PTPRG: variants seen among roughly 807,000 people sequenced by gnomAD.
PTPRG encodes protein tyrosine phosphatase receptor type G.
In PTPRG, 102 loss-of-function variants were observed where a neutral mutation model predicts 165.3. The observed-to-expected ratio is 0.62, with a 90% CI of 0.53 to 0.73. The LOEUF (loss-of-function observed/expected upper bound fraction) is 0.73. PTPRG is among the 30% of genes least tolerant of loss of function. PTPRG has a pLI of 0.00. For missense variants in PTPRG, 1,866 were observed against 1,861.4 expected (o/e 1.00, Z -0.05); for synonymous variants, 675 against 669.5 (o/e 1.01, Z -0.13).
intron 2 of PTPRG, among the ~76,000 whole-genome samples, chr3:61,809,716 A>C (rs1387437265): frequency 6.6e-6 from 1 of 152,188 alleles, no homozygotes; most frequent in Admixed American, 6.5e-5. Context: ...ATGAAGGGGA[A>C]TAGAAAGACA....
intron 4 of PTPRG, among the ~76,000 whole-genome samples, chr3:62,069,684 T>TCTCTCTCTCTCTCTCACATACA: frequency 6.9e-6 from 1 of 145,070 alleles, no homozygotes; most frequent in South Asian, 2.3e-4. Context: ...TCTCTCTCTC[T>TCTCTCTCTCTCTCTCACATACA]CACACACAGA....
chr3:61,808,670 G>T (rs2035484966), intron 2 of PTPRG, among the ~76,000 whole-genome samples: 2 of 151,984 alleles, frequency 1.3e-5, no homozygotes, highest in Admixed American at 6.6e-5. Context: ...TGGCACATAC[G>T]TTGCACTGGG....
chr3:62,048,858 T>G (rs555905255), intron 4 of PTPRG, among the ~76,000 whole-genome samples: 1 of 152,350 alleles, frequency 6.6e-6, no homozygotes, highest in African/African-American at 2.4e-5. Flanking sequence ...ATATGTATAA[T>G]TCAAAAATTG....
intron 2 of PTPRG, among the ~76,000 whole-genome samples, chr3:61,754,522 C>T (rs930567976): frequency 1.3e-5 from 2 of 152,162 alleles, no homozygotes; most frequent in Non-Finnish European, 2.9e-5. Flanking sequence ...TTCCTTGTTT[C>T]TCCTGCAGCG....
chr3:62,014,546 T>TAA lies in PTPRG; in HGVS notation c.519+11052_519+11053dup, dbSNP rs552039284. 3.3e-3 allele frequency among the ~76,000 whole-genome samples: 502 copies of TAA among 152,318 alleles called. 3 individuals are homozygous for TAA. The highest frequency in any genetic ancestry group is 0.011 in the African/African-American group (458 of 41,580). ...AGCTTCAACTCCTGAATCTCCCTATTAAAACCTTCACTCTGTTCATTTCTA... is the reference window on the plus strand; with the variant it reads ...AGCTTCAACTCCTGAATCTCCCTATTAAAAAACCTTCACTCTGTTCATTTCTA... On this transcript the variant is annotated intron_variant, in intron 4 of 29. Coordinates refer to ENST00000474889, the MANE Select transcript of PTPRG (RefSeq NM_002841.4).
Position 62,219,962 on chromosome 3 carries a change from C to G in PTPRG, c.2288+979C>G, listed in dbSNP as rs1700609976. ...AGCTTAAATCTGGAAAGGGGAGGGG[C>G]CCATGGGGGCCTAGCAGGAGTGTTC... On this transcript the variant is annotated intron_variant, in intron 13 of 29. Coordinates refer to ENST00000474889, the MANE Select transcript of PTPRG (RefSeq NM_002841.4). This position sits in a 1 kb window ranked among gnomAD's most constrained non-coding sequence, Gnocchi z 4.5. 6.6e-6 allele frequency among the ~76,000 whole-genome samples: 1 copy of G among 152,190 alleles called. No homozygotes were observed. The highest frequency in any genetic ancestry group is 2.4e-5 in the African/African-American group (1 of 41,444).
rs560935239 is a variant in PTPRG at position 62,081,081 on chromosome 3, C to T, written c.615+2823C>T. Among the ~76,000 whole-genome samples, 12 of 151,936 alleles carry T rather than the reference C, an allele frequency of 7.9e-5. No homozygotes were observed. In the East Asian group the frequency reaches 1.8e-3, roughly 22 times the overall value. ...GACCATCCTGGCTAACACGGTGAAA[C>T]CCCATCTCTACTAAAAATACAAAAA... On this transcript the variant is annotated intron_variant, in intron 5 of 29. Coordinates refer to ENST00000474889, the MANE Select transcript of PTPRG (RefSeq NM_002841.4).
At chr3:62,215,495 T>C (rs1387123568) in intron 12 of PTPRG, among the ~76,000 whole-genome samples, 1 of 150,722 alleles carries the variant, frequency 6.6e-6, no homozygotes, top group African/African-American at 2.5e-5. Context: ...AAATTACCAT[T>C]TGGAGACTGT....
At chr3:62,108,499 A>C (rs1445669276) in intron 5 of PTPRG, among the ~76,000 whole-genome samples, 1 of 152,208 alleles carries the variant, frequency 6.6e-6, no homozygotes, top group African/African-American at 2.4e-5. Context: ...GTGCCTCAGT[A>C]AACATATGTG....
intron 5 of PTPRG, among the ~76,000 whole-genome samples, chr3:62,089,132 G>GTTTT (rs1469359607): frequency 6.6e-6 from 1 of 152,144 alleles, no homozygotes. Context: ...CAGAACTTTT[G>GTTTT]TTCTTTGTCT....
chr3:62,058,054 C>T (rs1418766933), intron 4 of PTPRG, among the ~76,000 whole-genome samples: 1 of 152,178 alleles, frequency 6.6e-6, no homozygotes, highest in Non-Finnish European at 1.5e-5. Context: ...AAAACTATAA[C>T]CCCTACCAGA....
intron 2 of PTPRG, among the ~76,000 whole-genome samples, chr3:61,944,007 G>A (rs2039694157): frequency 6.6e-6 from 1 of 152,050 alleles, no homozygotes; most frequent in Admixed American, 6.5e-5. Context: ...TATTGAGCAG[G>A]TGCTATATGC....
chr3:61,610,782 CCT>C, intron 1 of PTPRG, among the ~76,000 whole-genome samples: 1 of 141,664 alleles, frequency 7.1e-6, no homozygotes, highest in Non-Finnish European at 1.5e-5. Flanking sequence ...TACCTCCCTC[CCT>C]CTCTCTCTCC....
At chr3:62,092,655 C>T (rs980967080) in intron 5 of PTPRG, among the ~76,000 whole-genome samples, 1 of 152,098 alleles carries the variant, frequency 6.6e-6, no homozygotes, top group Non-Finnish European at 1.5e-5. Flanking sequence ...CTTTCTGTGC[C>T]TCAGTTTCCT....
chr3:62,277,613 T>A lies in PTPRG; in HGVS notation c.3699T>A (p.Asp1233Glu). 6.2e-7 allele frequency: 1 copy of A among 1,612,828 alleles called. No homozygotes were observed. The highest frequency in any genetic ancestry group is 8.5e-7 in the Non-Finnish European group (1 of 1,179,330). Residue 1233 changes from aspartate to glutamate, a missense_variant, in exon 26 of 30, where the codon GAT becomes GAA. This residue lies in a region of PTPRG where 1,452 missense variants were observed against 1,463.0 expected (regional missense o/e 0.99). Coordinates refer to ENST00000474889, the MANE Select transcript of PTPRG (RefSeq NM_002841.4). Reference protein sequence around the residue: ...TQHPLPHTTKDFWRMIWDHNA... With the variant: ...TQHPLPHTTKEFWRMIWDHNA... ...ATCCTCTGCCACATACTACGAAAGA[T>A]TTCTGGCGAATGATTTGGGATCATA... is the stretch of plus-strand genomic sequence containing the variant.
At chr3:62,207,489 G>C (rs2106852249) in intron 12 of PTPRG, among the ~76,000 whole-genome samples, 1 of 152,242 alleles carries the variant, frequency 6.6e-6, no homozygotes, top group Admixed American at 6.5e-5. Context: ...ATTTTTTAAT[G>C]AAATCGCCAT....
At chr3:61,969,795 A>G (rs1220508249) in intron 2 of PTPRG, among the ~76,000 whole-genome samples, 3 of 152,134 alleles carry the variant, frequency 2.0e-5, no homozygotes, top group Admixed American at 6.5e-5. Flanking sequence ...CCCTCAAGAC[A>G]TGATAGGGGA....
chr3:62,216,838 C>T (rs1038389312), intron 12 of PTPRG, among the ~76,000 whole-genome samples: 11 of 152,202 alleles, frequency 7.2e-5, no homozygotes, highest in Admixed American at 5.2e-4. Flanking sequence ...CATTCTTGAA[C>T]TCCCACTGAT....
intron 2 of PTPRG, among the ~76,000 whole-genome samples, chr3:61,813,664 G>C (rs1439552715): frequency 6.7e-6 from 1 of 149,412 alleles, no homozygotes; most frequent in African/African-American, 2.5e-5. Flanking sequence ...TGTAGTTGTA[G>C]TCATAATAAC....
Sources: gnomAD v4.1 joint callset for allele counts (sites outside exome capture counted in the v4.1 genomes callset) on GRCh38, gnomAD v4.1.1 for gene constraint, gnomAD v4.1.1 regional missense constraint, Gnocchi (gnomAD v3.1) non-coding constraint, MANE v1.5 for transcripts, NCBI Gene and HGNC (gene_info 2026-07-23, HGNC 2026-07-21) for gene names.